WDR90: variants seen among roughly 807,000 people sequenced by gnomAD.
WDR90 encodes WD repeat domain 90, also known as WD repeat-containing protein 90.
A neutral mutation model predicts 195.2 loss-of-function variants in WDR90; 238 were observed. The ratio of observed to expected loss-of-function variants is 1.22; its 90% CI spans 1.10 to 1.36. The LOEUF is 1.36. Among genes scored for constraint, WDR90 ranks in the 40% most tolerant of loss-of-function variants. The pLI is 0.00. For missense variants in WDR90, 2,734 were observed against 2,439.5 expected, an observed-to-expected ratio of 1.12 and a Z score of -2.54; for synonymous variants, 1,265 against 1,052.4, an observed-to-expected ratio of 1.20 and a Z score of -3.91.
intron 10 of WDR90, 142 bp downstream of exon 10, chr16:652,677 C>T: frequency 1.2e-6 from 1 of 856,332 alleles, no homozygotes; most frequent in South Asian, 3.6e-5. Context: ...CGGTCCCGTC[C>T]CCCTGCAGTC....
intron 32 of WDR90, 80 bp from the exon 33 acceptor site, chr16:662,140 G>A: frequency 2.6e-6 from 4 of 1,542,876 alleles, no homozygotes; most frequent in Non-Finnish European, 2.6e-6. Flanking sequence ...CTCATCTGTA[G>A]CCCTGGCGTC....
intron 10 of WDR90, among the ~76,000 whole-genome samples, chr16:652,913 T>A (rs535358050): frequency 6.6e-6 from 1 of 152,194 alleles, no homozygotes; most frequent in Non-Finnish European, 1.5e-5. Context: ...GACGTGGGCC[T>A]TCTAGGAGAG....
intron 27 of WDR90, 92 bp downstream of exon 27, chr16:660,253 G>T: frequency 8.4e-7 from 1 of 1,195,060 alleles, no homozygotes; most frequent in Non-Finnish European, 1.1e-6. Flanking sequence ...GTTGCTTTTG[G>T]TCGCCAAAGG....
At position 650,365 on chromosome 16, in the gene WDR90, G is replaced by A. The variant is rs1452722982; in HGVS notation, c.388+3G>A. ...GGAGGCCAGGACACCTCAGAGAGGT[G>A]ACACCAAGATGGGGTGTGGATGATC... On this transcript the variant is annotated splice_donor_region_variant and intron_variant, in intron 4 of 40. Coordinates refer to ENST00000293879, the MANE Select transcript of WDR90 (RefSeq NM_145294.5). 1.2e-6 allele frequency: 2 copies of A among 1,611,758 alleles called. No homozygotes were observed. The highest frequency in any genetic ancestry group is 2.2e-5 in the East Asian group (1 of 44,846).
Position 655,861 on chromosome 16 carries a change from G to A in WDR90, c.1938G>A (p.Leu646=). 6.3e-7 allele frequency: 1 copy of A among 1,598,920 alleles called. No homozygotes were observed. The highest frequency in any genetic ancestry group is 8.5e-7 in the Non-Finnish European group (1 of 1,175,304). ...SEDGFLRLWP[L]DFSSVLLEAE... The stretch of plus-strand genomic sequence containing the variant: ...ACGGCTTCTTGCGGCTCTGGCCCCT[G>A]GACTTCTCCTCGGTGCTCCTGGAGG... The change falls in exon 17 of 41, where the codon CTG becomes CTA. Residue 646 remains leucine (L), a synonymous_variant. Transcript: ENST00000293879.
Position 661,756 on chromosome 16 carries a change from T to A in WDR90, c.3833T>A (p.Leu1278His), listed in dbSNP as rs768555508. The A allele has an allele frequency of 2.5e-6, 4 of 1,608,238 alleles. No individual in the cohort carries two copies. The highest frequency in any genetic ancestry group is 1.3e-5 in the African/African-American group (1 of 74,742). ...CAGGGCACTGTCACCTTCTGGCTCC[T>A]TCAGCAGCGTGGGGCAGACATCAGC... ...VGQGTVTFWL[L>H]QQRGADISLQ... The change falls in exon 31 of 41, where the codon CTT (leucine) becomes CAT (histidine). Residue 1278 changes from leucine (L) to histidine (H), a missense_variant. Leu to His is a moderately conservative substitution (Grantham distance 99). Transcript: ENST00000293879.
rs371130702 is a variant in WDR90, at chr16:650,409, G to A, written c.388+47G>A. 3.9e-5 allele frequency: 63 copies of A among 1,596,118 alleles called. 1 individual carries two copies. The African/African-American group carries it at 5.9e-4, about 15-fold the overall frequency. The stretch of plus-strand genomic sequence containing the variant: ...GATGATCCAGGACAGGTGGCTGGAG[G>A]GAGTTGGTGCAGGCCCAGTGAGGCT... On this transcript the variant is annotated intron_variant, in intron 4 of 40. Coordinates refer to ENST00000293879, the MANE Select transcript of WDR90 (RefSeq NM_145294.5).
At position 665,702 on chromosome 16, in the gene WDR90, C is replaced by CG; in HGVS notation, c.4339dup (p.Glu1447GlyfsTer9). 1 of 1,612,630 alleles carries CG rather than the reference C, an allele frequency of 6.2e-7. No homozygotes were observed. ...AGGTGAACGAGGTGGTCTTCAGCCC[C>CG]GGGGAGTCCCACTGCGCCACATGCA... On this transcript the variant is annotated frameshift_variant, in exon 35 of 41. Transcript: ENST00000293879. LOFTEE classifies it high-confidence loss of function.
At chr16:662,408 C>T (rs1270465345) in intron 33 of WDR90, 77 bp downstream of exon 33, 7 of 1,502,838 alleles carry the variant, frequency 4.7e-6, no homozygotes, top group East Asian at 2.5e-5. Context: ...GCCAGTGCCC[C>T]GCCCCCGCAA....
At chr16:667,362 G>A in intron 40 of WDR90, 70 bp from the exon 41 acceptor site, 1 of 1,537,106 alleles carries the variant, frequency 6.5e-7, no homozygotes, top group Non-Finnish European at 8.8e-7. Context: ...GGACAGTCTG[G>A]GTGGGTTGGG....
intron 10 of WDR90, among the ~76,000 whole-genome samples, chr16:652,969 C>T (rs1243333912): frequency 6.6e-6 from 1 of 152,226 alleles, no homozygotes; most frequent in Non-Finnish European, 1.5e-5. Context: ...CCTCAGTGGC[C>T]TTGGGCCCTT....
In WDR90 at chr16:656,424, C is replaced by T. The variant is rs200128573; in HGVS notation, c.2089C>T (p.Arg697Cys). 9.4e-5 allele frequency: 151 copies of T among 1,604,658 alleles called. 1 individual carries two copies. The African/African-American group carries it at 1.3e-3, about 14-fold the overall frequency. Residue 697 changes from arginine (R) to cysteine (C), a missense_variant, in exon 18 of 41, where the codon CGC (arginine) becomes TGC (cysteine). Transcript: ENST00000293879. The stretch of plus-strand genomic sequence containing the variant: ...GTCCCGGGTGTACCACATGCTGGCT[C>T]GCTCCCACACCGCCCCGGTGTTGGC... ...TLSRVYHMLA[R>C]SHTAPVLALA...
Position 651,870 on chromosome 16 carries a change from G to T in WDR90, c.884G>T (p.Ser295Ile). Residue 295 changes from serine (S) to isoleucine (I), a missense_variant, in exon 9 of 41, where the codon AGC (serine) becomes ATC (isoleucine). Transcript: ENST00000293879. ...GCACCCAGGCCCTTCCCGGAGGTCA[G>T]CCTGTCCCAAGAGCGCTCAGACGCC... ...ALAPRPFPEVSLSQERSDASN... is the reference protein window; with the variant it reads ...ALAPRPFPEVILSQERSDASN... 2 of 1,610,522 alleles carry T rather than the reference G, an allele frequency of 1.2e-6. No individual in the cohort carries two copies. Among genetic ancestry groups the T allele is most frequent in the Non-Finnish European group, 8.5e-7 (1 of 1,179,866 alleles).
chr16:659,271 G>C lies in WDR90; in HGVS notation c.3079G>C (p.Ala1027Pro). The change falls in exon 26 of 41, where the codon GCA becomes CCA. Residue 1027 changes from alanine to proline, a missense_variant. Ala to Pro is a conservative substitution (Grantham distance 27). Coordinates refer to ENST00000293879, the MANE Select transcript of WDR90 (RefSeq NM_145294.5). ...CCCGGGCGCAGGACCGCTGGAGGAC[G>C]CAGCGTCCAGGGCCAGCGAGCTCCC... ...TGPGAGPLED[A>P]ASRASELPRQ... 6.2e-7 allele frequency: 1 copy of C among 1,609,938 alleles called. No homozygotes were observed. The highest frequency in any genetic ancestry group is 2.2e-5 in the East Asian group (1 of 44,716).
intron 26 of WDR90, 49 bp downstream of exon 26, chr16:659,425 G>C: frequency 6.4e-7 from 1 of 1,571,474 alleles, no homozygotes; most frequent in Non-Finnish European, 8.6e-7. Context: ...GGGTCTGAGA[G>C]GGCACAGGCC....
rs943308620 is a variant in WDR90, at chr16:660,199, C to G, written c.3288+38C>G. 5.5e-6 allele frequency: 8 copies of G among 1,466,010 alleles called. No individual in the cohort carries two copies. The East Asian group carries it at 1.5e-4, about 28-fold the overall frequency. 90.8% of individuals were successfully genotyped at this position (1,466,010 alleles called of 1,614,324 possible). On this transcript the variant is annotated intron_variant, in intron 27 of 40. Transcript: ENST00000293879. ...TTCTGGGAGCCCTCTTTATCCCCAGCAAGCACAGAGGCCCCCCGCAGGGCT... is the reference window on the plus strand; with the variant it reads ...TTCTGGGAGCCCTCTTTATCCCCAGGAAGCACAGAGGCCCCCCGCAGGGCT...
Position 653,813 on chromosome 16 carries a change from C to T in WDR90, c.1437+10C>T, listed in dbSNP as rs141218077. On this transcript the variant is annotated intron_variant, in intron 13 of 40. Transcript: ENST00000293879. ...CCACCACGGGAGGACGGTAACAGGG[C>T]CCTGGCTGCGGGTTGGGGTGGGGCT... The T allele has an allele frequency of 0.022, 34,728 of 1,612,946 alleles. 449 individuals are homozygous for T. Among genetic ancestry groups the T allele is most frequent in the Non-Finnish European group, 0.026 (30,316 of 1,179,860 alleles).
chr16:661,015 C>CG lies in WDR90; in HGVS notation c.3392-34dup, dbSNP rs199775865. ...GCCCCTCCCCGCCCCCCCCCCCCCC[C>CG]GGCCCGGCCTCAGGCCCCGCCCTCT... On this transcript the variant is annotated intron_variant, in intron 28 of 40. Transcript: ENST00000293879. 37 of 478,972 alleles carry CG rather than the reference C, an allele frequency of 7.7e-5. 1 individual carries two copies. Among genetic ancestry groups the CG allele is most frequent in the Non-Finnish European group, 8.2e-5 (33 of 401,394 alleles). 29.7% of individuals were successfully genotyped at this position (478,972 alleles called of 1,614,324 possible).
upstream of WDR90, chr16:649,115 A>C: frequency 5.8e-6 from 2 of 343,630 alleles, no homozygotes. Flanking sequence ...AGGCGCTGAC[A>C]GGTGGGCGCG....
Sources: allele counts gnomAD v4.1 joint callset (sites outside exome capture counted in the v4.1 genomes callset), GRCh38; gene constraint gnomAD v4.1.1; transcripts MANE v1.5; gene names NCBI Gene and HGNC (gene_info 2026-07-23, HGNC 2026-07-21).